The following KCNQ5 variants were observed in gnomAD, a reference collection of about 807,000 sequenced individuals.
KCNQ5 encodes the protein potassium voltage-gated channel subfamily Q member 5, also known as potassium voltage-gated channel subfamily KQT member 5.
KCNQ5 carries 30 observed loss-of-function variants against 98.2 expected under a neutral mutation model. The observed-to-expected ratio is 0.31, with a 90% confidence interval of 0.23 to 0.41. The LOEUF is 0.41. KCNQ5 is among the 10% of genes least tolerant of loss of function. KCNQ5 has a pLI of 1.00. For missense variants in KCNQ5, 835 were observed against 1,182.5 expected, an observed-to-expected ratio of 0.71 and a Z score of 4.31; for synonymous variants, 458 against 449.4, an observed-to-expected ratio of 1.02 and a Z score of -0.24.
chr6:72,866,043 A>G (rs1437250844), intron 1 of KCNQ5, among the ~76,000 whole-genome samples: 1 of 152,214 alleles, frequency 6.6e-6, no homozygotes, highest in Non-Finnish European at 1.5e-5. Flanking sequence ...CTTTCAAAAT[A>G]GCTGTTATTA....
chr6:72,883,499 TA>T (rs1778727133), intron 1 of KCNQ5, among the ~76,000 whole-genome samples: 1 of 152,078 alleles, frequency 6.6e-6, no homozygotes. Context: ...CAAAAACTTT[TA>T]AAAGGTTTAA....
At chr6:73,161,102 A>G (rs1777601603) in intron 10 of KCNQ5, among the ~76,000 whole-genome samples, 1 of 152,250 alleles carries the variant, frequency 6.6e-6, no homozygotes, top group Non-Finnish European at 1.5e-5. Flanking sequence ...TGTGGTATAG[A>G]TACACAATGA....
At chr6:73,056,959 C>T (rs1471816195) in intron 3 of KCNQ5, among the ~76,000 whole-genome samples, 2 of 151,840 alleles carry the variant, frequency 1.3e-5, no homozygotes. Context: ...ACCATTTGAC[C>T]CAGCCATCCC....
intron 1 of KCNQ5, among the ~76,000 whole-genome samples, chr6:72,981,487 G>T (rs1768446347): frequency 8.8e-6 from 1 of 114,040 alleles, no homozygotes; most frequent in Non-Finnish European, 1.8e-5. Flanking sequence ...TTGTATTTCT[G>T]TGGGATCGGT....
At chr6:72,965,352 T>A (rs1288417122) in intron 1 of KCNQ5, among the ~76,000 whole-genome samples, 2 of 152,208 alleles carry the variant, frequency 1.3e-5, no homozygotes, top group Non-Finnish European at 2.9e-5. Context: ...TATTGATAAG[T>A]TGATAAAACT....
At chr6:72,762,469 G>A (rs745430867) in intron 1 of KCNQ5, among the ~76,000 whole-genome samples, 7 of 151,758 alleles carry the variant, frequency 4.6e-5, no homozygotes, top group Non-Finnish European at 1.0e-4. Context: ...CTTTTTGATC[G>A]AAGACAGCAG....
rs1775122168 is a variant in KCNQ5 at position 72,809,352 on chromosome 6, C to T, written c.398+186765C>T. On this transcript the variant is annotated intron_variant, in intron 1 of 13. Transcript: ENST00000370398. ...GCACATGTATACATATGTAACTAAC[C>T]TGCACAATGTGCACATGTACCCTAA... 2.0e-5 allele frequency among the ~76,000 whole-genome samples: 3 copies of T among 151,500 alleles called. No individual in the cohort carries two copies. The South Asian group carries it at 6.3e-4, about 32-fold the overall frequency.
chr6:72,891,708 T>C (rs1463535861), intron 1 of KCNQ5, among the ~76,000 whole-genome samples: 3 of 152,180 alleles, frequency 2.0e-5, no homozygotes, highest in Admixed American at 2.0e-4. Context: ...TGTTTAATCC[T>C]TCCTAAAATA....
At chr6:72,903,381 G>A (rs952906505) in intron 1 of KCNQ5, among the ~76,000 whole-genome samples, 10 of 151,976 alleles carry the variant, frequency 6.6e-5, no homozygotes, top group Admixed American at 3.9e-4. Context: ...GTTTGGGTTT[G>A]GTTTGTTCTT....
At position 73,190,609 on chromosome 6, in the gene KCNQ5, G is replaced by A; in HGVS notation, c.1614G>A (p.Lys538=). The change falls in exon 12 of 14, where the codon AAG becomes AAA. Residue 538 remains lysine, a synonymous_variant. Coordinates refer to ENST00000370398, the MANE Select transcript of KCNQ5 (RefSeq NM_019842.4). The part of the protein sequence containing the change: ...MKFHVAKRKF[K]ETLRPYDVKD... ...TTCATGTTGCAAAACGGAAGTTTAA[G>A]GAAACATTACGTCCATATGATGTAA... 3 of 1,554,924 alleles carry A rather than the reference G, an allele frequency of 1.9e-6. No individual in the cohort carries two copies. Among genetic ancestry groups the A allele is most frequent in the South Asian group, 2.4e-5 (2 of 83,232 alleles).
rs555899101 is a variant in KCNQ5 at position 73,084,066 on chromosome 6, T to C, written c.918+6179T>C. ...CTGTCATCCCCACCTACCTAGCCCA[T>C]ATGTAGTCATGAAGCATCCTCATGG... is the stretch of plus-strand genomic sequence containing the variant. On this transcript the variant is annotated intron_variant, in intron 5 of 13. Coordinates refer to ENST00000370398, the MANE Select transcript of KCNQ5 (RefSeq NM_019842.4). 1.2e-4 allele frequency among the ~76,000 whole-genome samples: 19 copies of C among 152,260 alleles called. No homozygotes were observed. The South Asian group carries it at 3.9e-3, about 32-fold the overall frequency.
intron 10 of KCNQ5, among the ~76,000 whole-genome samples, chr6:73,150,615 A>G (rs1235368182): frequency 6.6e-6 from 1 of 150,558 alleles, no homozygotes; most frequent in East Asian, 2.0e-4. Flanking sequence ...GAAAAGTTTA[A>G]CCAATAGGCA....
intron 1 of KCNQ5, among the ~76,000 whole-genome samples, chr6:72,724,328 T>C (rs1185318963): frequency 6.6e-6 from 1 of 152,228 alleles, no homozygotes; most frequent in Non-Finnish European, 1.5e-5. Flanking sequence ...TGTCATTTAA[T>C]ATTTTTAAAG....
chr6:72,987,472 A>G, intron 1 of KCNQ5: 1 of 670,226 alleles, frequency 1.5e-6, no homozygotes, highest in Non-Finnish European at 2.9e-6. Context: ...CAGAAACTGA[A>G]GTTTCTCAAA....
chr6:72,919,108 T>C (rs1304240981), intron 1 of KCNQ5, among the ~76,000 whole-genome samples: 1 of 152,212 alleles, frequency 6.6e-6, no homozygotes, highest in Non-Finnish European at 1.5e-5. Flanking sequence ...TGATTCTAGA[T>C]GGCTTTTTCC....
At chr6:73,184,493 A>G (rs1187691971) in intron 11 of KCNQ5, among the ~76,000 whole-genome samples, 1 of 152,238 alleles carries the variant, frequency 6.6e-6, no homozygotes, top group Non-Finnish European at 1.5e-5. Flanking sequence ...CACAGAACAC[A>G]AACATCTTTG....
chr6:72,901,497 C>T (rs946765970), intron 1 of KCNQ5, among the ~76,000 whole-genome samples: 1 of 152,096 alleles, frequency 6.6e-6, no homozygotes, highest in Admixed American at 6.5e-5. Context: ...GATTTAAGTC[C>T]TTAATCCATC....
intron 1 of KCNQ5, among the ~76,000 whole-genome samples, chr6:72,966,858 CT>C (rs1767644431): frequency 6.6e-6 from 1 of 152,168 alleles, no homozygotes; most frequent in Admixed American, 6.5e-5. Flanking sequence ...TTGCCAGGGA[CT>C]ACCAACAGCT....
At chr6:73,081,703 G>T (rs927966249) in intron 5 of KCNQ5, among the ~76,000 whole-genome samples, 5 of 151,958 alleles carry the variant, frequency 3.3e-5, no homozygotes, top group Non-Finnish European at 7.4e-5. Context: ...TTGTTGATTT[G>T]TTGCCTGAAA....
Sources: allele counts gnomAD v4.1 joint callset (sites outside exome capture counted in the v4.1 genomes callset), GRCh38; gene constraint gnomAD v4.1.1; transcripts MANE v1.5; gene names NCBI Gene and HGNC (gene_info 2026-07-23, HGNC 2026-07-21).